PEX26: variants seen among roughly 807,000 people sequenced by gnomAD.
PEX26 encodes peroxisomal biogenesis factor 26, also known as peroxisome assembly protein 26.
A neutral mutation model predicts 31.4 loss-of-function variants in PEX26; 18 were observed. The ratio of observed to expected loss-of-function variants is 0.57; its 90% confidence interval spans 0.40 to 0.85. The LOEUF is 0.85. PEX26 is among the 40% of genes least tolerant of loss of function. PEX26 has a pLI of 0.00. For synonymous variants in PEX26, 176 were observed against 166.9 expected (o/e 1.05, Z -0.42); for missense variants, 377 against 383.9 (o/e 0.98, Z 0.15).
At position 18,094,779 on chromosome 22, in the gene PEX26, T is replaced by TTTTCC. The variant is rs1409849858; in HGVS notation, c.*6708_*6709insCTTTC. The TTTTCC allele has an allele frequency of 6.7e-6, 1 of 149,752 alleles. No homozygotes were observed. The highest frequency in any genetic ancestry group is 1.5e-5 in the Non-Finnish European group (1 of 67,660). 9.3% of individuals were successfully genotyped at this position (149,752 alleles called of 1,614,324 possible). A position where few individuals can be genotyped will look rare whatever the true frequency, so the allele number is the denominator to read the frequency against. On this transcript the variant is annotated 3_prime_UTR_variant, in exon 5 of 5. Coordinates refer to ENST00000399744, the MANE Select transcript of PEX26 (RefSeq NM_001127649.3). Reference sequence around the variant, plus strand: ...TTGGCTTTTTTTTTCTTTTCTTTTCTTTTCTTCTTTTTTTTTTTGAGATGG... The same window carrying TTTTCC: ...TTGGCTTTTTTTTTCTTTTCTTTTCTTTTCCTTTCTTCTTTTTTTTTTTGAGATGG...
rs17809734 is a variant in PEX26, at chr22:18,101,822, G to A, written c.*13747G>A. ...TAACCTGAGGTCTGGGGCCTTTAAA[G>A]CTATTGAGGAGCCAGTGAATGGAGA... On this transcript the variant is annotated 3_prime_UTR_variant, in exon 5 of 5. Transcript: ENST00000399744. The A allele has an allele frequency of 0.045, 7,682 of 169,696 alleles. 249 individuals carry two copies. The highest frequency in any genetic ancestry group is 0.082 in the Middle Eastern group (67 of 820). The allele number at this position is 169,696 out of a possible 1,614,324, so 10.5% of individuals were successfully genotyped here.
chr22:18,078,107 G>A lies in PEX26; in HGVS notation c.-270G>A. 1 of 626,072 alleles carries A rather than the reference G, an allele frequency of 1.6e-6. No individual in the cohort carries two copies. The highest frequency in any genetic ancestry group is 3.0e-6 in the Non-Finnish European group (1 of 336,666). 38.8% of individuals were successfully genotyped at this position (626,072 alleles called of 1,614,324 possible). ...GAGGCAGTTCCTGCACGTGTCGCGG[G>A]GCCGGAGAAGCTAGGGCCAGGTATT... is the stretch of plus-strand genomic sequence containing the variant. On this transcript the variant is annotated 5_prime_UTR_variant, in exon 1 of 5. Coordinates refer to ENST00000399744, the MANE Select transcript of PEX26 (RefSeq NM_001127649.3).
intron 3 of PEX26, 69 bp downstream of exon 3, chr22:18,083,801 T>C: frequency 7.0e-7 from 1 of 1,430,262 alleles, no homozygotes; most frequent in Non-Finnish European, 9.8e-7. Context: ...TCGGGGTCTG[T>C]CGTGAAACTC....
chr22:18,078,580 C>T lies in PEX26; in HGVS notation c.204C>T (p.His68=). Residue 68 remains histidine (H), a synonymous_variant, in exon 1 of 5, where the codon CAC becomes CAT. Coordinates refer to ENST00000399744, the MANE Select transcript of PEX26 (RefSeq NM_001127649.3). ...CERAWQSLAN[H]AVAEEPAGTS... ...GGGCCTGGCAGAGTCTGGCCAACCA[C>T]GCCGTGGCAGAGGAACCCGCGGGCA... is the stretch of plus-strand genomic sequence containing the variant. 1.3e-6 allele frequency: 2 copies of T among 1,599,754 alleles called. No homozygotes were observed. The highest frequency in any genetic ancestry group is 1.7e-6 in the Non-Finnish European group (2 of 1,175,636).
rs79936154 is a variant in PEX26, at chr22:18,088,767, T to C, written c.*692T>C. On this transcript the variant is annotated 3_prime_UTR_variant, in exon 5 of 5. Transcript: ENST00000399744. The surrounding 1 kb of genome is among the most constrained non-coding windows in gnomAD (Gnocchi z 4.1). ...CTCTCTCAAAACAAACAAAAAAACA[T>C]GCCCCACAGGACAGTACCTTAATTA... is the stretch of plus-strand genomic sequence containing the variant. The C allele has an allele frequency of 0.015, 2,593 of 168,564 alleles. 65 individuals carry two copies. Among genetic ancestry groups the C allele is most frequent in the African/African-American group, 0.058 (2,432 of 41,716 alleles). The allele number at this position is 168,564 out of a possible 1,614,324, so 10.4% of individuals were successfully genotyped here. A position where few individuals can be genotyped will look rare whatever the true frequency, so the allele number is the denominator to read the frequency against.
At chr22:18,079,753 CAG>C in intron 1 of PEX26, 119 bp from the exon 2 acceptor site, 2 of 1,137,708 alleles carry the variant, frequency 1.8e-6, no homozygotes, top group South Asian at 2.6e-5. Context: ...TAAATACTAA[CAG>C]GGATGAGAGA....
At chr22:18,080,150 C>A in intron 2 of PEX26, 136 bp downstream of exon 2, 1 of 897,774 alleles carries the variant, frequency 1.1e-6, no homozygotes, top group Non-Finnish European at 1.8e-6. Flanking sequence ...TTTTTTTTCC[C>A]CAGACTTCCA....
chr22:18,098,898 G>A lies in PEX26; in HGVS notation c.*10823G>A, dbSNP rs1338061873. On this transcript the variant is annotated 3_prime_UTR_variant, in exon 5 of 5. Transcript: ENST00000399744. Reference sequence around the variant, plus strand: ...CATAGATATGGATGTTTGCATATAGGCACATTTAGCTGGATTAAGTTAGAT... The same window carrying A: ...CATAGATATGGATGTTTGCATATAGACACATTTAGCTGGATTAAGTTAGAT... 1 of 152,050 alleles carries A rather than the reference G, an allele frequency of 6.6e-6. No individual in the cohort carries two copies. Among genetic ancestry groups the A allele is most frequent in the Non-Finnish European group, 1.5e-5 (1 of 68,024 alleles). 9.4% of individuals were successfully genotyped at this position (152,050 alleles called of 1,614,324 possible).
At chr22:18,080,378 G>A (rs914940592) in intron 2 of PEX26, among the ~76,000 whole-genome samples, 1 of 150,678 alleles carries the variant, frequency 6.6e-6, no homozygotes. Context: ...CGCCCAGGTT[G>A]GAGTGCAGTG....
rs1486630182 is a variant in PEX26, at chr22:18,078,784, G to A, written c.230+178G>A. 1.5e-5 allele frequency: 11 copies of A among 723,896 alleles called. 1 individual carries two copies. The highest frequency in any genetic ancestry group is 1.5e-4 in the South Asian group (10 of 67,208). 44.8% of individuals were successfully genotyped at this position (723,896 alleles called of 1,614,324 possible). A position where few individuals can be genotyped will look rare whatever the true frequency, so the allele number is the denominator to read the frequency against. On this transcript the variant is annotated intron_variant, in intron 1 of 4. Coordinates refer to ENST00000399744, the MANE Select transcript of PEX26 (RefSeq NM_001127649.3). ...TGTGCCCATTCTACAGAGAAGGGAA[G>A]TCGTGTAACAAAAACTTAGTGGGGA...
At position 18,078,591 on chromosome 22, in the gene PEX26, A is replaced by G; in HGVS notation, c.215A>G (p.Glu72Gly). ...AGTCTGGCCAACCACGCCGTGGCAG[A>G]GGAACCCGCGGGCACGTACGTGCTG... ...WQSLANHAVA[E>G]EPAGTSLEVK... The change falls in exon 1 of 5, where the codon GAG becomes GGG. Residue 72 changes from glutamate (E) to glycine (G), a missense_variant. Transcript: ENST00000399744. 1 of 1,600,598 alleles carries G rather than the reference A, an allele frequency of 6.2e-7. No homozygotes were observed. Among genetic ancestry groups the G allele is most frequent in the South Asian group, 1.1e-5 (1 of 89,328 alleles).
At chr22:18,085,064 G>T (rs779775121) in intron 3 of PEX26, 48 bp from the exon 4 acceptor site, 4 of 1,608,448 alleles carry the variant, frequency 2.5e-6, no homozygotes, top group South Asian at 2.2e-5. Flanking sequence ...GGTCAGGGAA[G>T]CTGATTCCCA....
chr22:18,083,804 T>G, intron 3 of PEX26, 72 bp downstream of exon 3: 1 of 1,401,958 alleles, frequency 7.1e-7, no homozygotes, highest in Non-Finnish European at 1.0e-6. Context: ...GGGTCTGTCG[T>G]GAAACTCCTG....
At chr22:18,086,287 G>GA (rs945004619) in intron 4 of PEX26, among the ~76,000 whole-genome samples, 3 of 151,960 alleles carry the variant, frequency 2.0e-5, no homozygotes, top group African/African-American at 7.3e-5. Flanking sequence ...CTACAAGAGC[G>GA]AAACTCTGTC....
At position 18,101,242 on chromosome 22, in the gene PEX26, A is replaced by C. The variant is rs2123679392; in HGVS notation, c.*13167A>C. ...GATTTTCACATGTAGTTTTTAGGTA[A>C]AGGACATCTCTTTCAGTTGATTCCT... On this transcript the variant is annotated 3_prime_UTR_variant, in exon 5 of 5. Transcript: ENST00000399744. 6.6e-6 allele frequency: 1 copy of C among 152,314 alleles called. No individual in the cohort carries two copies. The highest frequency in any genetic ancestry group is 6.5e-5 in the Admixed American group (1 of 15,288). The allele number at this position is 152,314 out of a possible 1,614,324, so 9.4% of individuals were successfully genotyped here. A position where few individuals can be genotyped will look rare whatever the true frequency, so the allele number is the denominator to read the frequency against.
rs1927217441 is a variant in PEX26 at position 18,094,135 on chromosome 22, G to A, written c.*6060G>A. The A allele has an allele frequency of 6.6e-6, 1 of 152,220 alleles. No homozygotes were observed. The highest frequency in any genetic ancestry group is 2.4e-5 in the African/African-American group (1 of 41,452). 9.4% of individuals were successfully genotyped at this position (152,220 alleles called of 1,614,324 possible). A position where few individuals can be genotyped will look rare whatever the true frequency, so the allele number is the denominator to read the frequency against. On this transcript the variant is annotated 3_prime_UTR_variant, in exon 5 of 5. Transcript: ENST00000399744. The stretch of plus-strand genomic sequence containing the variant: ...TGTCACTTTTGTACTATCCAAGGTG[G>A]GACGGACAGGTGTCAGATAATAGCA...
At chr22:18,082,736 A>G (rs1187517822) in intron 2 of PEX26, among the ~76,000 whole-genome samples, 1 of 152,192 alleles carries the variant, frequency 6.6e-6, no homozygotes, top group Admixed American at 6.5e-5. Context: ...CTGTTTCTGA[A>G]GAATGCCATT....
chr22:18,102,885 A>G lies in PEX26; in HGVS notation c.*14810A>G, dbSNP rs1222399291. ...CGAATCACGAGGTCAGGAGTTCGAG[A>G]CCAGCCTGGCCAACACGGTGAAACC... On this transcript the variant is annotated 3_prime_UTR_variant, in exon 5 of 5. Transcript: ENST00000399744. 6.6e-6 allele frequency: 1 copy of G among 152,126 alleles called. No individual in the cohort carries two copies. The highest frequency in any genetic ancestry group is 1.5e-5 in the Non-Finnish European group (1 of 68,026). The allele number at this position is 152,126 out of a possible 1,614,324, so 9.4% of individuals were successfully genotyped here.
In PEX26 at chr22:18,080,055, G is replaced by C. The variant is rs996598324; in HGVS notation, c.371+41G>C. On this transcript the variant is annotated intron_variant, in intron 2 of 4. Coordinates refer to ENST00000399744, the MANE Select transcript of PEX26 (RefSeq NM_001127649.3). ...TGACTCATCAGATCGGTTCAGAAACGAGAGGATTTTCATCTCCTCTCCTAA... is the reference window on the plus strand; with the variant it reads ...TGACTCATCAGATCGGTTCAGAAACCAGAGGATTTTCATCTCCTCTCCTAA... 3 of 1,609,548 alleles carry C rather than the reference G, an allele frequency of 1.9e-6. No homozygotes were observed. In the African/African-American group the frequency reaches 4.0e-5, roughly 22 times the overall value.
Sources: allele counts gnomAD v4.1 joint callset (sites outside exome capture counted in the v4.1 genomes callset), GRCh38; gene constraint gnomAD v4.1.1; non-coding constraint Gnocchi (gnomAD v3.1); transcripts MANE v1.5; gene names NCBI Gene and HGNC (gene_info 2026-07-23, HGNC 2026-07-21).